The following KIAA0040 variants were observed in gnomAD, a reference collection of about 807,000 sequenced individuals.
KIAA0040 encodes uncharacterized protein KIAA0040.
In KIAA0040, 10 loss-of-function variants were observed where a neutral mutation model predicts 7.2. The observed-to-expected ratio is 1.38, with a 90% CI of 0.85 to 2.34. KIAA0040 has a LOEUF of 2.34. KIAA0040 is among the 30% of genes most tolerant of loss of function. KIAA0040 has a pLI of 0.00. For synonymous variants in KIAA0040, 49 were observed against 40.1 expected (o/e 1.22, Z -0.84); for missense variants, 89 against 108.2 (o/e 0.82, Z 0.79).
At position 175,170,680 on chromosome 1, in the gene KIAA0040, A is replaced by G. The variant is rs150194407; in HGVS notation, c.-309-3943T>C. Among the ~76,000 whole-genome samples, 389 of 151,996 alleles carry G rather than the reference A, an allele frequency of 2.6e-3. 4 individuals are homozygous for G. Among genetic ancestry groups the G allele is most frequent in the African/African-American group, 8.6e-3 (356 of 41,434 alleles). ...GGTCCTACCTGCTCTCTCTCTGACT[A>G]TGTCCTGACTCCATCCACTTCCCAC... On this transcript the variant is annotated intron_variant, in intron 2 of 3. Coordinates refer to ENST00000423313, the MANE Select transcript of KIAA0040 (RefSeq NM_014656.3).
At chr1:175,188,460 T>C (rs1571220026) in intron 1 of KIAA0040, among the ~76,000 whole-genome samples, 1 of 152,316 alleles carries the variant, frequency 6.6e-6, no homozygotes. Flanking sequence ...CTACTGTCTT[T>C]ATCTCCCTTA....
intron 1 of KIAA0040, among the ~76,000 whole-genome samples, chr1:175,191,585 A>T (rs1677868211): frequency 6.6e-6 from 1 of 152,212 alleles, no homozygotes; most frequent in Non-Finnish European, 1.5e-5. Flanking sequence ...ACGCTTGCAG[A>T]AGTCTTTAGA....
At chr1:175,185,425 A>G (rs557850168) in intron 1 of KIAA0040, among the ~76,000 whole-genome samples, 3 of 152,338 alleles carry the variant, frequency 2.0e-5, no homozygotes, top group Non-Finnish European at 4.4e-5. Context: ...TTTACCCCCA[A>G]ATATTTTCTA....
At position 175,173,507 on chromosome 1, in the gene KIAA0040, G is replaced by A. The variant is rs77722940; in HGVS notation, c.-310+4104C>T. 4.6e-3 allele frequency among the ~76,000 whole-genome samples: 695 copies of A among 152,192 alleles called. 4 individuals are homozygous for A. Among genetic ancestry groups the A allele is most frequent in the African/African-American group, 0.016 (658 of 41,522 alleles). On this transcript the variant is annotated intron_variant, in intron 2 of 3. Coordinates refer to ENST00000423313, the MANE Select transcript of KIAA0040 (RefSeq NM_014656.3). ...AGGCTATGAGAGATTTAAGTGATTC[G>A]CCCAAAGACATGGAGCTACTCAAGC...
At chr1:175,173,039 A>C (rs1440459108) in intron 2 of KIAA0040, among the ~76,000 whole-genome samples, 1 of 152,200 alleles carries the variant, frequency 6.6e-6, no homozygotes, top group Non-Finnish European at 1.5e-5. Context: ...TGAGTTAACC[A>C]GCCCCTAGTG....
At chr1:175,163,853 G>A (rs542631590) in intron 3 of KIAA0040, among the ~76,000 whole-genome samples, 44 of 152,292 alleles carry the variant, frequency 2.9e-4, no homozygotes, top group Admixed American at 1.6e-3. Context: ...GCCCCTCTGG[G>A]TTCAGCCAGC....
At chr1:175,178,535 G>A (rs749040526) in intron 1 of KIAA0040, among the ~76,000 whole-genome samples, 18 of 152,198 alleles carry the variant, frequency 1.2e-4, no homozygotes, top group Non-Finnish European at 1.3e-4. Context: ...AGTTGCATGT[G>A]GATTTCATGT....
At chr1:175,190,405 T>G (rs568913256) in intron 1 of KIAA0040, among the ~76,000 whole-genome samples, 1 of 152,364 alleles carries the variant, frequency 6.6e-6, no homozygotes, top group South Asian at 2.1e-4. Flanking sequence ...GTTCCAGACC[T>G]GTATACCCAA....
intron 3 of KIAA0040, among the ~76,000 whole-genome samples, chr1:175,162,653 G>A (rs1158560881): frequency 6.6e-6 from 1 of 152,174 alleles, no homozygotes; most frequent in Non-Finnish European, 1.5e-5. Context: ...CCTCCTGGGT[G>A]ATGTTTTCTA....
At chr1:175,191,398 C>T (rs777803339) in intron 1 of KIAA0040, among the ~76,000 whole-genome samples, 3 of 152,176 alleles carry the variant, frequency 2.0e-5, no homozygotes, top group Non-Finnish European at 4.4e-5. Context: ...TGTTTTACAA[C>T]GCATCTCTTT....
intron 1 of KIAA0040, among the ~76,000 whole-genome samples, chr1:175,191,269 A>G (rs1193193691): frequency 6.6e-6 from 1 of 152,256 alleles, no homozygotes; most frequent in Non-Finnish European, 1.5e-5. Context: ...GGTGAAATCA[A>G]TAACTTAGTT....
chr1:175,187,031 A>T (rs1198525180), intron 1 of KIAA0040, among the ~76,000 whole-genome samples: 2 of 152,122 alleles, frequency 1.3e-5, no homozygotes, highest in Non-Finnish European at 2.9e-5. Flanking sequence ...AGGTAGGGAG[A>T]GAGAAAGGAG....
At chr1:175,182,118 T>C (rs1231280482) in intron 1 of KIAA0040, among the ~76,000 whole-genome samples, 1 of 152,186 alleles carries the variant, frequency 6.6e-6, no homozygotes, top group Non-Finnish European at 1.5e-5. Flanking sequence ...TAACATGTTA[T>C]GACTTGAGTG....
At chr1:175,173,919 C>T (rs1036916175) in intron 2 of KIAA0040, among the ~76,000 whole-genome samples, 1 of 152,128 alleles carries the variant, frequency 6.6e-6, no homozygotes, top group African/African-American at 2.4e-5. Flanking sequence ...CCTTTGGTTT[C>T]GTATCAAATT....
intron 3 of KIAA0040, among the ~76,000 whole-genome samples, chr1:175,161,605 A>C (rs1676547902): frequency 6.6e-6 from 1 of 152,176 alleles, no homozygotes; most frequent in Non-Finnish European, 1.5e-5. Context: ...TTCAAAGCTT[A>C]TTGAAGCTTA....
intron 1 of KIAA0040, among the ~76,000 whole-genome samples, chr1:175,183,360 A>C (rs1228439925): frequency 6.6e-6 from 1 of 152,234 alleles, no homozygotes; most frequent in Non-Finnish European, 1.5e-5. Context: ...AGAAAGAACC[A>C]GAGTGAAGAG....
intron 1 of KIAA0040, among the ~76,000 whole-genome samples, chr1:175,192,293 G>C (rs1226557141): frequency 6.6e-6 from 1 of 152,210 alleles, no homozygotes; most frequent in African/African-American, 2.4e-5. Flanking sequence ...GCTTTCCGGA[G>C]GGTCTCAGGC....
chr1:175,173,952 G>A (rs898019626), intron 2 of KIAA0040, among the ~76,000 whole-genome samples: 12 of 151,204 alleles, frequency 7.9e-5, no homozygotes, highest in African/African-American at 2.0e-4. Context: ...CTAGTCCTAA[G>A]ATTTGGCCAC....
intron 3 of KIAA0040, among the ~76,000 whole-genome samples, chr1:175,161,846 CACTT>C (rs916954947): frequency 2.0e-5 from 3 of 152,204 alleles, no homozygotes; most frequent in African/African-American, 7.2e-5. Flanking sequence ...GCTGGCTTTC[CACTT>C]TCTACCTTCT....
Sources: allele counts gnomAD v4.1 joint callset (sites outside exome capture counted in the v4.1 genomes callset), GRCh38; gene constraint gnomAD v4.1.1; transcripts MANE v1.5; gene names NCBI Gene and HGNC (gene_info 2026-07-23, HGNC 2026-07-21).